The following BRD10 variants were observed in gnomAD, a reference collection of about 807,000 sequenced individuals.
The protein encoded by BRD10 is uncharacterized bromodomain-containing protein 10.
chr9:5,979,637 A>G, the BRD10 span, among the ~76,000 whole-genome samples: 2 of 152,220 alleles, frequency 1.3e-5, no homozygotes, highest in African/African-American at 4.8e-5. Flanking sequence ...CAAAACTGCT[A>G]TCTAATAATG....
At chr9:5,890,603 A>G in the BRD10 span, among the ~76,000 whole-genome samples, 1 of 152,164 alleles carries the variant, frequency 6.6e-6, no homozygotes, top group African/African-American at 2.4e-5. Context: ...CATGAATTTT[A>G]AATCATTATA....
At chr9:5,920,275 G>A in the BRD10 span, 2 of 1,613,970 alleles carry the variant, frequency 1.2e-6, no homozygotes, top group Non-Finnish European at 1.7e-6. Context: ...GAACATGGCT[G>A]CCAGCTCCAA....
chr9:5,918,457 TG>T, the BRD10 span, among the ~76,000 whole-genome samples: 1 of 152,192 alleles, frequency 6.6e-6, no homozygotes, highest in African/African-American at 2.4e-5. Flanking sequence ...GGCTCATGCC[TG>T]TAATACCAGC....
the BRD10 span, among the ~76,000 whole-genome samples, chr9:5,882,177 T>G: frequency 2.0e-5 from 3 of 152,282 alleles, no homozygotes; most frequent in East Asian, 1.9e-4. Context: ...GTAACTGTGA[T>G]GGTCACCATT....
the BRD10 span, chr9:5,920,973 C>T: frequency 6.2e-7 from 1 of 1,613,918 alleles, no homozygotes; most frequent in Non-Finnish European, 8.5e-7. Context: ...GGTTGTGCCC[C>T]AGCTGAAGCA....
At chr9:5,976,133 G>C in the BRD10 span, among the ~76,000 whole-genome samples, 1 of 152,162 alleles carries the variant, frequency 6.6e-6, no homozygotes, top group African/African-American at 2.4e-5. Context: ...GTTCAGCTGG[G>C]TAAGACTGCT....
the BRD10 span, chr9:5,923,091 C>A: frequency 1.2e-6 from 2 of 1,613,968 alleles, no homozygotes; most frequent in Non-Finnish European, 1.7e-6. Context: ...TCAATCTGCA[C>A]ATCACTTTCT....
the BRD10 span, chr9:5,909,294 T>G: frequency 1.3e-5 from 2 of 152,938 alleles, no homozygotes; most frequent in African/African-American, 4.8e-5. Flanking sequence ...GTTTCGCTTT[T>G]GTTGCCCAGG....
At chr9:5,920,213 C>T in the BRD10 span, 24 of 1,613,548 alleles carry the variant, frequency 1.5e-5, no homozygotes, top group East Asian at 4.9e-4. Flanking sequence ...AATGCCTTGG[C>T]CACTGTTAAG....
chr9:5,959,218 T>C, the BRD10 span, among the ~76,000 whole-genome samples: 2 of 152,164 alleles, frequency 1.3e-5, no homozygotes, highest in African/African-American at 4.8e-5. Flanking sequence ...GGATTTAGAA[T>C]TGTCTCGTTA....
chr9:5,971,120 A>C, the BRD10 span, among the ~76,000 whole-genome samples: 1 of 150,744 alleles, frequency 6.6e-6, no homozygotes, highest in African/African-American at 2.4e-5. Context: ...TTCTTTAAAG[A>C]TGTGAACAAC....
At chr9:5,880,456 G>C in the BRD10 span, among the ~76,000 whole-genome samples, 10 of 133,116 alleles carry the variant, frequency 7.5e-5, no homozygotes, top group African/African-American at 2.6e-4. Context: ...GGAGGTTGCA[G>C]TGAGCTGAGA....
chr9:5,940,766 T>C, the BRD10 span, among the ~76,000 whole-genome samples: 5 of 152,172 alleles, frequency 3.3e-5, no homozygotes, highest in Non-Finnish European at 5.9e-5. Context: ...CAGGCGGTTG[T>C]GCTCAATATG....
chr9:6,008,149 C>T, the BRD10 span: 1 of 981,488 alleles, frequency 1.0e-6, no homozygotes, highest in Non-Finnish European at 1.2e-6. Context: ...CGGCGCCCCA[C>T]CCCCTCCCGG....
chr9:5,894,399 T>C, the BRD10 span, among the ~76,000 whole-genome samples: 5 of 152,130 alleles, frequency 3.3e-5, no homozygotes, highest in Non-Finnish European at 7.4e-5. The surrounding 1 kb of genome is among the most constrained non-coding windows in gnomAD (Gnocchi z 4.0). Flanking sequence ...CAACCAAGGC[T>C]GTACCCACAG....
At chr9:5,922,306 G>A in the BRD10 span, 16 of 1,613,850 alleles carry the variant, frequency 9.9e-6, no homozygotes, top group Admixed American at 6.7e-5. Context: ...GACCTGTGGA[G>A]GAAATGGTCG....
At chr9:6,005,944 T>A in the BRD10 span, among the ~76,000 whole-genome samples, 1 of 152,194 alleles carries the variant, frequency 6.6e-6, no homozygotes, top group African/African-American at 2.4e-5. Context: ...AGGCACTATG[T>A]TAACTGTTTT....
chr9:5,969,404 T>G, the BRD10 span: 9 of 1,582,586 alleles, frequency 5.7e-6, no homozygotes, highest in African/African-American at 1.4e-5. Flanking sequence ...TTGACTAGCT[T>G]CTTCTGCTTC....
At chr9:5,991,210 TACAG>T in the BRD10 span, among the ~76,000 whole-genome samples, 2 of 151,972 alleles carry the variant, frequency 1.3e-5, no homozygotes, top group Non-Finnish European at 2.9e-5. Flanking sequence ...ATCATGCATG[TACAG>T]ACACACTACT....
Sources: gnomAD v4.1 joint callset for allele counts (sites outside exome capture counted in the v4.1 genomes callset) on GRCh38, gnomAD v4.1.1 for gene constraint, Gnocchi (gnomAD v3.1) non-coding constraint, MANE v1.5 for transcripts, NCBI Gene and HGNC (gene_info 2026-07-23, HGNC 2026-07-21) for gene names.